The following SPTLC1 variants were observed in gnomAD, a reference collection of about 807,000 sequenced individuals.
The protein encoded by SPTLC1 is serine palmitoyltransferase long chain base subunit 1.
SPTLC1 carries 55 observed loss-of-function variants against 68.9 expected under a neutral mutation model. The observed-to-expected ratio is 0.80, with a 90% confidence interval of 0.64 to 1.00. The LOEUF is 1.00. Among genes scored for constraint, SPTLC1 ranks in the 50% least tolerant of loss-of-function variants. SPTLC1 has a pLI of 0.00. For missense variants in SPTLC1, 449 were observed against 573.1 expected, an observed-to-expected ratio of 0.78 and a Z score of 2.21; for synonymous variants, 197 against 201.6, an observed-to-expected ratio of 0.98 and a Z score of 0.19.
At chr9:92,058,582 C>T (rs1833972394) in intron 7 of SPTLC1, among the ~76,000 whole-genome samples, 1 of 152,196 alleles carries the variant, frequency 6.6e-6, no homozygotes, top group Non-Finnish European at 1.5e-5. Flanking sequence ...TACTTCCAAA[C>T]CACCATCACC....
At position 92,047,081 on chromosome 9, in the gene SPTLC1, C is replaced by T. The variant is rs1017870308; in HGVS notation, c.1081+91G>A. On this transcript the variant is annotated intron_variant, in intron 11 of 14. Coordinates refer to ENST00000262554, the MANE Select transcript of SPTLC1 (RefSeq NM_006415.4). ...TAATGTAACTGCAAACCAGTTTTGT[C>T]TGGCAAATAATTTCTCCAGTAAGTA... is the stretch of plus-strand genomic sequence containing the variant. The T allele has an allele frequency of 9.7e-6, 11 of 1,134,754 alleles. No individual in the cohort carries two copies. In the Admixed American group the frequency reaches 1.9e-4, roughly 19 times the overall value. The allele number at this position is 1,134,754 out of a possible 1,614,324, so 70.3% of individuals were successfully genotyped here.
At chr9:92,083,870 T>G (rs1263927283) in intron 3 of SPTLC1, among the ~76,000 whole-genome samples, 1 of 152,230 alleles carries the variant, frequency 6.6e-6, no homozygotes, top group Non-Finnish European at 1.5e-5. Flanking sequence ...TTCCTACCCA[T>G]GAGCATGGAA....
At chr9:92,073,862 C>T (rs1274452713) in intron 5 of SPTLC1, among the ~76,000 whole-genome samples, 4 of 152,206 alleles carry the variant, frequency 2.6e-5, no homozygotes, top group African/African-American at 4.8e-5. Flanking sequence ...GCGTACAAAC[C>T]GCAGCGTTTA....
In SPTLC1 at chr9:92,099,656, T is replaced by G. The variant is rs569924434; in HGVS notation, c.260+9084A>C. ...TACCACACCCACCTAATTTTTTGGA[T>G]TCTTTGGTAGAGAAGGGGTTTTGTC... On this transcript the variant is annotated intron_variant, in intron 3 of 14. Coordinates refer to ENST00000262554, the MANE Select transcript of SPTLC1 (RefSeq NM_006415.4). Among the ~76,000 whole-genome samples, 4 of 152,130 alleles carry G rather than the reference T, an allele frequency of 2.6e-5. No homozygotes were observed. In the South Asian group the frequency reaches 8.3e-4, roughly 32 times the overall value.
chr9:92,093,500 C>T (rs1456828769), intron 3 of SPTLC1, among the ~76,000 whole-genome samples: 2 of 152,120 alleles, frequency 1.3e-5, no homozygotes, highest in African/African-American at 4.8e-5. Flanking sequence ...AGAAGAGTCA[C>T]ACTGTTATCA....
chr9:92,048,578 C>T (rs890473036), intron 9 of SPTLC1, among the ~76,000 whole-genome samples: 15 of 152,190 alleles, frequency 9.9e-5, no homozygotes, highest in South Asian at 4.1e-4. Context: ...CAAGGACAAC[C>T]TTGCTTCACC....
intron 3 of SPTLC1, among the ~76,000 whole-genome samples, chr9:92,096,259 T>C (rs1160501784): frequency 1.3e-5 from 2 of 152,178 alleles, no homozygotes; most frequent in African/African-American, 4.8e-5. Context: ...CTGATTATCC[T>C]AGTGCAAGCC....
intron 8 of SPTLC1, among the ~76,000 whole-genome samples, chr9:92,053,134 A>C (rs7851910): frequency 0.23 from 29,661 of 126,496 alleles, 4,495 homozygotes; most frequent in African/African-American, 0.52. Context: ...AACAAACAAA[A>C]AAAAAAACAA....
rs1204306753 is a variant in SPTLC1, at chr9:92,115,392, A to G, written c.-22T>C. The G allele has an allele frequency of 5.0e-6, 8 of 1,612,860 alleles. No homozygotes were observed. Among genetic ancestry groups the G allele is most frequent in the Non-Finnish European group, 6.8e-6 (8 of 1,179,654 alleles). Reference sequence around the variant, plus strand: ...CCATAGTTAGCCGCTTCCTTCCGGAAGGCGGGTCACAAGCGCGTCCCAAAA... The same window carrying G: ...CCATAGTTAGCCGCTTCCTTCCGGAGGGCGGGTCACAAGCGCGTCCCAAAA... On this transcript the variant is annotated 5_prime_UTR_variant, in exon 1 of 15. Transcript: ENST00000262554.
intron 8 of SPTLC1, chr9:92,051,009 C>T (rs1833688367): frequency 3.0e-6 from 3 of 985,156 alleles, no homozygotes; most frequent in Non-Finnish European, 2.4e-6. Flanking sequence ...GCTGTTCCTA[C>T]ACTTCATCTT....
Position 92,059,235 on chromosome 9 carries a change from T to C in SPTLC1, c.634A>G (p.Asn212Asp). The change falls in exon 7 of 15, where the codon AAT (asparagine) becomes GAT (aspartate). Residue 212 changes from asparagine to aspartate, a missense_variant. Physicochemically the swap from Asn to Asp is conservative, Grantham distance 23 (BLOSUM62 1). This residue lies in a region of SPTLC1 where 391 missense variants were observed against 472.1 expected (regional missense o/e 0.83). Coordinates refer to ENST00000262554, the MANE Select transcript of SPTLC1 (RefSeq NM_006415.4). ...AGTCGCTCGAGGTCAGCCATGTCATTATGCTTAAATAACTTAATGTCACTA... is the reference window on the plus strand; with the variant it reads ...AGTCGCTCGAGGTCAGCCATGTCATCATGCTTAAATAACTTAATGTCACTA... Reference protein sequence around the residue: ...SRSDIKLFKHNDMADLERLLK... With the variant: ...SRSDIKLFKHDDMADLERLLK... 1 of 1,614,106 alleles carries C rather than the reference T, an allele frequency of 6.2e-7. No homozygotes were observed. Among genetic ancestry groups the C allele is most frequent in the South Asian group, 1.1e-5 (1 of 91,084 alleles).
chr9:92,086,330 C>T (rs959070438), intron 3 of SPTLC1, among the ~76,000 whole-genome samples: 3 of 152,156 alleles, frequency 2.0e-5, no homozygotes, highest in African/African-American at 7.2e-5. Flanking sequence ...GCAGTTTCTT[C>T]CTAGTCTGGA....
At chr9:92,081,834 T>C (rs1223959253) in intron 3 of SPTLC1, among the ~76,000 whole-genome samples, 3 of 152,194 alleles carry the variant, frequency 2.0e-5, no homozygotes, top group Non-Finnish European at 4.4e-5. Context: ...TAAAATGCAC[T>C]GTAGCCAGAA....
At chr9:92,102,215 T>A (rs1053866450) in intron 3 of SPTLC1, among the ~76,000 whole-genome samples, 1 of 152,222 alleles carries the variant, frequency 6.6e-6, no homozygotes, top group African/African-American at 2.4e-5. Context: ...AAATAAAGTC[T>A]TTCCCAGACA....
chr9:92,104,316 G>A (rs1199143825), intron 3 of SPTLC1: 12 of 1,384,048 alleles, frequency 8.7e-6, no homozygotes, highest in African/African-American at 2.9e-5. Context: ...CTCACCCCGC[G>A]GCTCCTGCAC....
rs758536379 is a variant in SPTLC1, at chr9:92,108,845, A to T, written c.166-11T>A. Reference sequence around the variant, plus strand: ...CAGTTCTTCTTTTTCCTACAGGAGAAAAAGAATTAAAATACAGTGCAGTGC... The same window carrying T: ...CAGTTCTTCTTTTTCCTACAGGAGATAAAGAATTAAAATACAGTGCAGTGC... On this transcript the variant is annotated splice_polypyrimidine_tract_variant and intron_variant, in intron 2 of 14. Transcript: ENST00000262554. 2 of 1,569,934 alleles carry T rather than the reference A, an allele frequency of 1.3e-6. No individual in the cohort carries two copies. Among genetic ancestry groups the T allele is most frequent in the African/African-American group, 2.7e-5 (2 of 73,428 alleles).
intron 5 of SPTLC1, among the ~76,000 whole-genome samples, chr9:92,078,561 G>T (rs1341408810): frequency 1.3e-5 from 2 of 152,236 alleles, no homozygotes; most frequent in South Asian, 2.1e-4. Flanking sequence ...TAGGATCAAG[G>T]GATCCTCCTG....
chr9:92,072,525 GTC>G (rs1251542816), intron 5 of SPTLC1, among the ~76,000 whole-genome samples: 5 of 152,132 alleles, frequency 3.3e-5, no homozygotes, highest in African/African-American at 1.2e-4. Flanking sequence ...TCTTTTCCTT[GTC>G]TCTTTCTTTC....
intron 3 of SPTLC1, among the ~76,000 whole-genome samples, 177 bp from the exon 4 acceptor site, chr9:92,081,140 T>C (rs1564104505): frequency 6.6e-6 from 1 of 152,142 alleles, no homozygotes; most frequent in Non-Finnish European, 1.5e-5. Context: ...AAATAAGATA[T>C]TTTTCCATTA....
Sources: allele counts gnomAD v4.1 joint callset (sites outside exome capture counted in the v4.1 genomes callset), GRCh38; gene constraint gnomAD v4.1.1; regional missense constraint gnomAD v4.1.1; transcripts MANE v1.5; gene names NCBI Gene and HGNC (gene_info 2026-07-23, HGNC 2026-07-21).